The following DISP1 variants were observed in gnomAD, a reference collection of about 807,000 sequenced individuals.
DISP1 encodes protein dispatched homolog 1.
In DISP1, 30 loss-of-function variants were observed where a neutral mutation model predicts 37.3. That is an observed-to-expected ratio of 0.80 (90% CI 0.60 to 1.09). DISP1 has a LOEUF of 1.09. DISP1 is among the 50% of genes least tolerant of loss of function. DISP1 has a pLI of 0.00. For synonymous variants in DISP1, 634 were observed against 690.2 expected (o/e 0.92, Z 1.28); for missense variants, 1,598 against 1,879.5 (o/e 0.85, Z 2.77).
At chr1:222,854,566 A>G (rs1456171424) in intron 1 of DISP1, among the ~76,000 whole-genome samples, 2 of 152,058 alleles carry the variant, frequency 1.3e-5, no homozygotes, top group African/African-American at 4.8e-5. Flanking sequence ...GCCAAACCAT[A>G]TCATTAGGAT....
intron 1 of DISP1, among the ~76,000 whole-genome samples, chr1:222,896,307 CA>C (rs374671816): frequency 1.7e-3 from 244 of 140,564 alleles, no homozygotes; most frequent in Admixed American, 2.4e-3. Flanking sequence ...AATCCTGTCT[CA>C]AAAAAAAAGA....
At chr1:222,833,547 C>T (rs1464618473) in intron 1 of DISP1, among the ~76,000 whole-genome samples, 5 of 152,232 alleles carry the variant, frequency 3.3e-5, no homozygotes, top group African/African-American at 1.2e-4. Context: ...GGGGTTTGGC[C>T]TGAGGAGAAG....
chr1:222,895,866 C>T (rs1184564121), intron 1 of DISP1, among the ~76,000 whole-genome samples: 4 of 152,136 alleles, frequency 2.6e-5, no homozygotes, highest in Non-Finnish European at 5.9e-5. Context: ...TAGAAGAAAA[C>T]ATAGAGAATC....
chr1:222,951,570 C>T (rs144588292), intron 3 of DISP1, among the ~76,000 whole-genome samples: 1 of 127,332 alleles, frequency 7.9e-6, no homozygotes, highest in Non-Finnish European at 1.7e-5. Context: ...TGGCATGAAC[C>T]TGATCATTGA....
At chr1:222,955,206 C>T (rs2102560233) in intron 3 of DISP1, among the ~76,000 whole-genome samples, 1 of 152,096 alleles carries the variant, frequency 6.6e-6, no homozygotes, top group East Asian at 1.9e-4. Context: ...CCTGCCTCAG[C>T]CTCTCGAGTA....
chr1:222,868,295 G>A (rs1036369803), intron 1 of DISP1, among the ~76,000 whole-genome samples: 2 of 151,908 alleles, frequency 1.3e-5, no homozygotes, highest in African/African-American at 2.4e-5. Flanking sequence ...AAGGCAAGTT[G>A]CAGAGTAATA....
chr1:222,977,524 T>C (rs1024038291), intron 3 of DISP1, among the ~76,000 whole-genome samples: 3 of 98,696 alleles, frequency 3.0e-5, no homozygotes, highest in African/African-American at 7.4e-5. Flanking sequence ...TTTTCTTTTT[T>C]TTTTAAATTC....
At chr1:222,833,186 T>G (rs1469902470) in intron 1 of DISP1, among the ~76,000 whole-genome samples, 1 of 151,396 alleles carries the variant, frequency 6.6e-6, no homozygotes, top group Admixed American at 6.6e-5. Context: ...CACTCTGTTT[T>G]AGACAGATTG....
At chr1:222,862,755 A>G (rs1177814656) in intron 1 of DISP1, among the ~76,000 whole-genome samples, 2 of 152,098 alleles carry the variant, frequency 1.3e-5, no homozygotes, top group Non-Finnish European at 2.9e-5. Context: ...CTGGTCTTCA[A>G]CTTATGGGCT....
chr1:222,942,293 A>T (rs538239728), intron 2 of DISP1, among the ~76,000 whole-genome samples: 6 of 152,260 alleles, frequency 3.9e-5, no homozygotes, highest in Admixed American at 1.3e-4. Context: ...AAGGGGAAAA[A>T]TCATATATTC....
chr1:222,871,719 C>G (rs1298802110), intron 1 of DISP1, among the ~76,000 whole-genome samples: 4 of 152,098 alleles, frequency 2.6e-5, no homozygotes, highest in Admixed American at 6.5e-5. Context: ...GATATACAAT[C>G]ATGTCATCTG....
intron 1 of DISP1, chr1:222,872,136 CCA>C (rs1361333261): frequency 6.6e-6 from 1 of 152,084 alleles, no homozygotes; most frequent in African/African-American, 2.4e-5. Flanking sequence ...GGGATGAAGC[CCA>C]CTTGATCGTG....
At chr1:222,834,452 G>C (rs1483723744) in intron 1 of DISP1, among the ~76,000 whole-genome samples, 1 of 152,142 alleles carries the variant, frequency 6.6e-6, no homozygotes, top group African/African-American at 2.4e-5. Context: ...AGGAATTTAG[G>C]AATAGCAGTG....
intron 1 of DISP1, among the ~76,000 whole-genome samples, chr1:222,886,419 A>G (rs1670606224): frequency 6.6e-6 from 1 of 152,210 alleles, no homozygotes; most frequent in African/African-American, 2.4e-5. Context: ...TGTGCTTAAA[A>G]ATCACATTGC....
intron 8 of DISP1, among the ~76,000 whole-genome samples, chr1:222,995,313 T>C (rs1678978926): frequency 6.6e-6 from 1 of 152,240 alleles, no homozygotes; most frequent in African/African-American, 2.4e-5. Context: ...TTTTATTTCC[T>C]AACCTAGTTT....
intron 3 of DISP1, among the ~76,000 whole-genome samples, chr1:222,976,051 C>G (rs1677300507): frequency 2.0e-5 from 3 of 152,070 alleles, no homozygotes; most frequent in Admixed American, 2.0e-4. Flanking sequence ...CGCTAAAAAC[C>G]TAATCAAAGA....
intron 8 of DISP1, among the ~76,000 whole-genome samples, chr1:223,000,613 A>G (rs1179972141): frequency 6.6e-6 from 1 of 152,240 alleles, no homozygotes; most frequent in Non-Finnish European, 1.5e-5. Context: ...AAAGTAGAGA[A>G]ATAGTATAAT....
chr1:222,936,841 ATCATATATATGATATAT>A (rs1558340150), intron 2 of DISP1, among the ~76,000 whole-genome samples: 1,665 of 56,528 alleles, frequency 0.029, 92 homozygotes, highest in East Asian at 0.068. Flanking sequence ...AATTATATAT[ATCATATATATGATATAT>A]AATTTATATA....
chr1:222,929,927 C>A (rs1048948486), intron 2 of DISP1, among the ~76,000 whole-genome samples: 1 of 152,002 alleles, frequency 6.6e-6, no homozygotes, highest in South Asian at 2.1e-4. Context: ...ACATCTTAGA[C>A]CTCAGTTTTA....
Sources: allele counts gnomAD v4.1 joint callset (sites outside exome capture counted in the v4.1 genomes callset), GRCh38; gene constraint gnomAD v4.1.1; transcripts MANE v1.5; gene names NCBI Gene and HGNC (gene_info 2026-07-23, HGNC 2026-07-21).